ZFPM2: variants seen among roughly 807,000 people sequenced by gnomAD.
The protein encoded by ZFPM2 is zinc finger protein ZFPM2.
ZFPM2 carries 20 observed loss-of-function variants against 98.6 expected under a neutral mutation model. The ratio of observed to expected loss-of-function variants is 0.20; its 90% CI spans 0.14 to 0.29. The LOEUF (loss-of-function observed/expected upper bound fraction) is 0.29. ZFPM2 is among the 10% of genes least tolerant of loss of function. ZFPM2 has a pLI of 1.00. For synonymous variants in ZFPM2, 518 were observed against 502.7 expected (o/e 1.03, Z -0.41); for missense variants, 1,310 against 1,388.6 (o/e 0.94, Z 0.90).
At chr8:105,745,791 G>C (rs539506121) in intron 5 of ZFPM2, among the ~76,000 whole-genome samples, 2 of 152,140 alleles carry the variant, frequency 1.3e-5, no homozygotes, top group South Asian at 4.1e-4. Flanking sequence ...ACAGGATCTT[G>C]CTCTGTCGCC....
chr8:105,669,681 T>C (rs1817553098), intron 5 of ZFPM2, among the ~76,000 whole-genome samples: 1 of 152,012 alleles, frequency 6.6e-6, no homozygotes, highest in Admixed American at 6.6e-5. Context: ...ACGATAATCC[T>C]CTTATGATCC....
chr8:105,773,128 A>C (rs756504108), intron 5 of ZFPM2, among the ~76,000 whole-genome samples: 3 of 152,174 alleles, frequency 2.0e-5, no homozygotes, highest in Admixed American at 6.6e-5. Flanking sequence ...GAATGCACTG[A>C]GCGCCATCTG....
At chr8:105,646,285 A>C (rs923190042) in intron 5 of ZFPM2, among the ~76,000 whole-genome samples, 10 of 152,158 alleles carry the variant, frequency 6.6e-5, no homozygotes, top group Non-Finnish European at 1.3e-4. Context: ...GTCTCCCATC[A>C]GGAAGGAATG....
chr8:105,485,383 G>A (rs1190837235), intron 3 of ZFPM2, among the ~76,000 whole-genome samples: 1 of 152,050 alleles, frequency 6.6e-6, no homozygotes, highest in African/African-American at 2.4e-5. Flanking sequence ...TAATTAACCA[G>A]GCTAGTACAT....
intron 4 of ZFPM2, among the ~76,000 whole-genome samples, chr8:105,621,320 C>G (rs964322279): frequency 6.6e-6 from 1 of 152,088 alleles, no homozygotes; most frequent in Non-Finnish European, 1.5e-5. Flanking sequence ...ATGATTGGCT[C>G]TCTGTTTGTC....
At chr8:105,693,980 C>CTTTTTTTTTTT (rs376834507) in intron 5 of ZFPM2, among the ~76,000 whole-genome samples, 12 of 118,410 alleles carry the variant, frequency 1.0e-4, no homozygotes, top group African/African-American at 1.7e-4. Flanking sequence ...TTTTTCTTTT[C>CTTTTTTTTTTT]TTTTTTTTTT....
intron 1 of ZFPM2, among the ~76,000 whole-genome samples, chr8:105,404,721 T>C (rs1170579298): frequency 6.6e-6 from 1 of 152,078 alleles, no homozygotes; most frequent in Non-Finnish European, 1.5e-5. Flanking sequence ...TTTCAAAAGT[T>C]TGTGAAAGAT....
intron 3 of ZFPM2, among the ~76,000 whole-genome samples, chr8:105,463,749 ATT>A (rs530129718): frequency 9.9e-5 from 15 of 151,144 alleles, no homozygotes; most frequent in Non-Finnish European, 1.8e-4. Context: ...AGGCTGTTAC[ATT>A]TTTTTTTCCC....
At chr8:105,759,246 A>G (rs1350280567) in intron 5 of ZFPM2, among the ~76,000 whole-genome samples, 1 of 152,142 alleles carries the variant, frequency 6.6e-6, no homozygotes, top group Non-Finnish European at 1.5e-5. Context: ...TTAATTTTAA[A>G]GATGAACAAA....
intron 5 of ZFPM2, among the ~76,000 whole-genome samples, chr8:105,696,974 T>C (rs1394590733): frequency 6.6e-6 from 1 of 152,206 alleles, no homozygotes; most frequent in Non-Finnish European, 1.5e-5. Flanking sequence ...GAAAGTCTTA[T>C]AATTCAAAAT....
At chr8:105,560,463 A>G (rs1254683534) in intron 3 of ZFPM2, among the ~76,000 whole-genome samples, 1 of 152,016 alleles carries the variant, frequency 6.6e-6, no homozygotes, top group African/African-American at 2.4e-5. Context: ...ATGGCATGGT[A>G]ATACTCTTTG....
At chr8:105,691,800 A>G (rs1359326469) in intron 5 of ZFPM2, among the ~76,000 whole-genome samples, 1 of 152,202 alleles carries the variant, frequency 6.6e-6, no homozygotes, top group Non-Finnish European at 1.5e-5. Flanking sequence ...AGTTCCTGAC[A>G]CATGATAGGT....
intron 1 of ZFPM2, among the ~76,000 whole-genome samples, chr8:105,365,049 T>C (rs1050055338): frequency 6.6e-6 from 1 of 152,130 alleles, no homozygotes; most frequent in Admixed American, 6.6e-5. Flanking sequence ...TCCTTATTAC[T>C]CACTCTGATA....
chr8:105,589,838 C>T (rs912026770), intron 4 of ZFPM2, among the ~76,000 whole-genome samples: 1 of 152,182 alleles, frequency 6.6e-6, no homozygotes, highest in African/African-American at 2.4e-5. Flanking sequence ...TCTCCTGCCT[C>T]AGTCTCCCAA....
chr8:105,354,383 A>G (rs1184602798), intron 1 of ZFPM2, among the ~76,000 whole-genome samples: 1 of 152,236 alleles, frequency 6.6e-6, no homozygotes, highest in Non-Finnish European at 1.5e-5. Flanking sequence ...TTAATTAAAA[A>G]GCAGAAAAGA....
At chr8:105,542,828 T>C (rs554936466) in intron 3 of ZFPM2, among the ~76,000 whole-genome samples, 1 of 152,218 alleles carries the variant, frequency 6.6e-6, no homozygotes, top group African/African-American at 2.4e-5. Context: ...TGTGGTATAA[T>C]ATCACAACCA....
intron 1 of ZFPM2, among the ~76,000 whole-genome samples, chr8:105,366,848 A>C (rs905512391): frequency 2.6e-5 from 4 of 151,022 alleles, no homozygotes; most frequent in African/African-American, 9.7e-5. Flanking sequence ...TAGGGTTTTT[A>C]TGGTTTTAGG....
At chr8:105,386,807 T>G (rs1811000045) in intron 1 of ZFPM2, among the ~76,000 whole-genome samples, 1 of 152,134 alleles carries the variant, frequency 6.6e-6, no homozygotes, top group South Asian at 2.1e-4. Context: ...TGCTGATTGG[T>G]GTGTTTACAA....
rs140995496 is a variant in ZFPM2 at position 105,567,561 on chromosome 8, A to T, written c.420+6080A>T. Among the ~76,000 whole-genome samples, 572 of 152,102 alleles carry T rather than the reference A, an allele frequency of 3.8e-3. 4 individuals are homozygous for T. Among genetic ancestry groups the T allele is most frequent in the African/African-American group, 0.013 (558 of 41,426 alleles). The stretch of plus-strand genomic sequence containing the variant: ...CACAACCTTACTGGAATTTTCTGGG[A>T]TCAACTTCCCAGTAAACTACTTGTA... On this transcript the variant is annotated intron_variant, in intron 4 of 7. Transcript: ENST00000407775.
Sources: allele counts gnomAD v4.1 joint callset (sites outside exome capture counted in the v4.1 genomes callset), GRCh38; gene constraint gnomAD v4.1.1; transcripts MANE v1.5; gene names NCBI Gene and HGNC (gene_info 2026-07-23, HGNC 2026-07-21).